The following CPEB2 variants were observed in gnomAD, a reference collection of about 807,000 sequenced individuals.
CPEB2 encodes cytoplasmic polyadenylation element-binding protein 2.
In CPEB2, 56 loss-of-function variants were observed where a neutral mutation model predicts 93.6. That is an observed-to-expected ratio of 0.60 (90% CI 0.48 to 0.75). The LOEUF (loss-of-function observed/expected upper bound fraction) is 0.75, where lower values mean the gene tolerates loss of function less well. Ranked by LOEUF, CPEB2 falls within the 30% of genes least tolerant of loss-of-function variation. The pLI is 0.00. For synonymous variants in CPEB2, 764 were observed against 586.3 expected (o/e 1.30, Z -4.38); for missense variants, 1,579 against 1,395.1 (o/e 1.13, Z -2.10).
intron 1 of CPEB2, chr4:15,005,234 TC>T (rs1316395679): frequency 6.6e-6 from 1 of 152,250 alleles, no homozygotes; most frequent in East Asian, 1.9e-4. Context: ...TCTGTGCTTT[TC>T]AATGTTGGGG....
rs534266090 is a variant in CPEB2 at position 15,004,114 on chromosome 4, A to AGCGGCG, written c.1456_1461dup (p.Gly486_Gly487dup). The AGCGGCG allele has an allele frequency of 3.1e-4, 454 of 1,475,022 alleles. No homozygotes were observed. The highest frequency in any genetic ancestry group is 5.4e-4 in the Middle Eastern group (3 of 5,566). 91.4% of individuals were successfully genotyped at this position (1,475,022 alleles called of 1,614,324 possible). On this transcript the variant is annotated inframe_insertion, in exon 1 of 12. Coordinates refer to ENST00000538197, the MANE Select transcript of CPEB2 (RefSeq NM_001177382.2). ...CTGCACTGGGCTCAGCGTTCCGACGAGCGGCGGCGGCGGCGGCGGCTTCGG... is the reference window on the plus strand; with the variant it reads ...CTGCACTGGGCTCAGCGTTCCGACGAGCGGCGGCGGCGGCGGCGGCGGCGGCTTCGG...
At chr4:15,009,473 G>A (rs1723213425) in intron 3 of CPEB2, among the ~76,000 whole-genome samples, 1 of 152,140 alleles carries the variant, frequency 6.6e-6, no homozygotes, top group Non-Finnish European at 1.5e-5. Context: ...GTTAATATAA[G>A]TTAGCTATTT....
At chr4:15,035,831 A>T (rs1726549270) in intron 5 of CPEB2, among the ~76,000 whole-genome samples, 1 of 152,224 alleles carries the variant, frequency 6.6e-6, no homozygotes, top group African/African-American at 2.4e-5. Context: ...GATACACATT[A>T]AAATAAATGC....
intron 6 of CPEB2, among the ~76,000 whole-genome samples, chr4:15,047,506 G>A (rs1034966845): frequency 1.3e-5 from 2 of 151,940 alleles, no homozygotes; most frequent in Non-Finnish European, 2.9e-5. Flanking sequence ...AGTATTTGGT[G>A]GGTTTGGATG....
intron 3 of CPEB2, among the ~76,000 whole-genome samples, chr4:15,011,478 T>C (rs1258000016): frequency 6.6e-6 from 1 of 152,168 alleles, no homozygotes; most frequent in African/African-American, 2.4e-5. Context: ...CTTGCGAGAA[T>C]CGTACTCAAA....
At chr4:15,033,066 C>G (rs1726280286) in intron 4 of CPEB2, 95 bp from the exon 5 acceptor site, 5 of 802,040 alleles carry the variant, frequency 6.2e-6, no homozygotes, top group South Asian at 1.6e-5. Context: ...ATAATTTTCT[C>G]TTTATGCTGC....
intron 3 of CPEB2, among the ~76,000 whole-genome samples, chr4:15,016,048 T>A (rs1724100431): frequency 6.6e-6 from 1 of 152,052 alleles, no homozygotes; most frequent in African/African-American, 2.4e-5. Flanking sequence ...TCTCAGAGAC[T>A]TCTGGTCTCT....
At chr4:15,029,046 G>A (rs1028604798) in intron 4 of CPEB2, among the ~76,000 whole-genome samples, 2 of 151,940 alleles carry the variant, frequency 1.3e-5, no homozygotes, top group Non-Finnish European at 2.9e-5. Flanking sequence ...CAATGCTCAA[G>A]TCCCTTATGT....
At chr4:15,060,397 G>A (rs971157664) in intron 10 of CPEB2, among the ~76,000 whole-genome samples, 1 of 152,166 alleles carries the variant, frequency 6.6e-6, no homozygotes, top group African/African-American at 2.4e-5. Flanking sequence ...GGGCCAGGGT[G>A]AGAGTAAATG....
chr4:15,026,322 G>T (rs1725475594), intron 4 of CPEB2, among the ~76,000 whole-genome samples: 1 of 151,884 alleles, frequency 6.6e-6, no homozygotes, highest in Non-Finnish European at 1.5e-5. Context: ...CACCTCCTGG[G>T]TTCAAGCGAT....
intron 8 of CPEB2, among the ~76,000 whole-genome samples, chr4:15,055,281 G>A (rs1318940373): frequency 1.3e-5 from 2 of 152,092 alleles, no homozygotes; most frequent in Non-Finnish European, 2.9e-5. Context: ...CTGGATCCCA[G>A]GCCTCTATGA....
intron 1 of CPEB2, among the ~76,000 whole-genome samples, chr4:15,005,978 C>A (rs902731253): frequency 2.0e-5 from 3 of 152,108 alleles, no homozygotes; most frequent in Admixed American, 6.5e-5. Context: ...AGAACATATA[C>A]CATGATCCAT....
Position 15,007,168 on chromosome 4 carries a change from T to G in CPEB2, c.1663-137T>G, listed in dbSNP as rs557959841. 1.2e-4 allele frequency: 84 copies of G among 677,408 alleles called. 2 individuals are homozygous for G. In the East Asian group the frequency reaches 2.6e-3, roughly 21 times the overall value. 42.0% of individuals were successfully genotyped at this position (677,408 alleles called of 1,614,324 possible). On this transcript the variant is annotated intron_variant, in intron 1 of 11. Transcript: ENST00000538197. Reference sequence around the variant, plus strand: ...CATAGAAAGATCTCAAGACTGTTACTTTTATAACCTAGAAAAGATGTATTC... The same window carrying G: ...CATAGAAAGATCTCAAGACTGTTACGTTTATAACCTAGAAAAGATGTATTC...
At chr4:15,062,336 A>G (rs1487728557) in intron 11 of CPEB2, 76 bp downstream of exon 11, 1 of 1,040,152 alleles carries the variant, frequency 9.6e-7, no homozygotes, top group African/African-American at 1.6e-5. Flanking sequence ...TAACGAGTTA[A>G]TAATATAATT....
intron 11 of CPEB2, 63 bp downstream of exon 11, chr4:15,062,323 C>A (rs114433848): frequency 5.2e-6 from 6 of 1,163,578 alleles, no homozygotes; most frequent in South Asian, 2.1e-5. Context: ...AAGCCTCATA[C>A]CCTAACGAGT....
chr4:15,019,723 G>A (rs1724605986), intron 4 of CPEB2, among the ~76,000 whole-genome samples: 1 of 152,112 alleles, frequency 6.6e-6, no homozygotes, highest in Non-Finnish European at 1.5e-5. Context: ...GATGAAAAAG[G>A]AGAAGGGAGT....
At chr4:15,047,092 A>G (rs1420424779) in intron 6 of CPEB2, among the ~76,000 whole-genome samples, 1 of 152,184 alleles carries the variant, frequency 6.6e-6, no homozygotes, top group African/African-American at 2.4e-5. Flanking sequence ...GTGACTGTAC[A>G]TGTATAGGCC....
At chr4:15,056,262 A>G (rs574922716) in intron 8 of CPEB2, among the ~76,000 whole-genome samples, 16 of 152,282 alleles carry the variant, frequency 1.1e-4, no homozygotes, top group Non-Finnish European at 1.8e-4. Flanking sequence ...TTGTATATAG[A>G]TAGATAAAAA....
chr4:15,003,410 C>T lies in CPEB2; in HGVS notation c.737C>T (p.Pro246Leu). 2.2e-6 allele frequency: 3 copies of T among 1,360,766 alleles called. No individual in the cohort carries two copies. The highest frequency in any genetic ancestry group is 1.9e-6 in the Non-Finnish European group (2 of 1,067,384). 84.3% of individuals were successfully genotyped at this position (1,360,766 alleles called of 1,614,324 possible). A position where few individuals can be genotyped will look rare whatever the true frequency, so the allele number is the denominator to read the frequency against. ...CTCCTGCATCAGCAGCACCTCTCGCCGCAGGACTTCGCCCCGCGGCAGCGT... is the reference window on the plus strand; with the variant it reads ...CTCCTGCATCAGCAGCACCTCTCGCTGCAGGACTTCGCCCCGCGGCAGCGT... ...FSLLHQQHLS[P>L]QDFAPRQRPA... is the part of the protein sequence containing the mutation. Residue 246 changes from proline to leucine, a missense_variant, in exon 1 of 12, where the codon CCG (proline) becomes CTG (leucine). By Grantham distance (98) the Pro-to-Leu change is moderately conservative. This residue lies in a region of CPEB2 where 1,411 missense variants were observed against 1,056.0 expected (regional missense o/e 1.34). Coordinates refer to ENST00000538197, the MANE Select transcript of CPEB2 (RefSeq NM_001177382.2).
Sources: allele counts gnomAD v4.1 joint callset (sites outside exome capture counted in the v4.1 genomes callset), GRCh38; gene constraint gnomAD v4.1.1; regional missense constraint gnomAD v4.1.1; transcripts MANE v1.5; gene names NCBI Gene and HGNC (gene_info 2026-07-23, HGNC 2026-07-21).